CAST: variants seen among roughly 807,000 people sequenced by gnomAD.
The protein encoded by CAST is MIR583 host.
Under a neutral mutation model 119.6 loss-of-function variants are expected in CAST, and 76 were observed. The ratio of observed to expected loss-of-function variants is 0.64; its 90% confidence interval spans 0.53 to 0.77. CAST has a LOEUF of 0.77. Among genes scored for constraint, CAST ranks in the 30% least tolerant of loss-of-function variants. CAST has a pLI of 0.00. For missense variants in CAST, 953 were observed against 946.5 expected (o/e 1.01, Z -0.09); for synonymous variants, 319 against 331.6 (o/e 0.96, Z 0.41).
At chr5:96,176,341 C>A in the CAST span, among the ~76,000 whole-genome samples, 2 of 152,152 alleles carry the variant, frequency 1.3e-5, no homozygotes, top group Non-Finnish European at 2.9e-5. Flanking sequence ...AGATTTTAGG[C>A]TGAGGAAAAG....
At chr5:96,182,576 TTA>T in the CAST span, among the ~76,000 whole-genome samples, 5 of 152,234 alleles carry the variant, frequency 3.3e-5, no homozygotes, top group African/African-American at 1.2e-4. Flanking sequence ...AATGATGGTA[TTA>T]TATGTCAGAC....
At chr5:96,241,206 TC>T in the CAST span, among the ~76,000 whole-genome samples, 1 of 93,276 alleles carries the variant, frequency 1.1e-5, no homozygotes, top group East Asian at 3.6e-4. Flanking sequence ...ATGCTATCCC[TC>T]CCCCCTCCCC....
chr5:96,523,307 C>T (rs1745546422), upstream of CAST, among the ~76,000 whole-genome samples: 1 of 152,230 alleles, frequency 6.6e-6, no homozygotes, highest in Non-Finnish European at 1.5e-5. Context: ...CATGCAGGAC[C>T]CCAAGCTGTG....
the CAST span, among the ~76,000 whole-genome samples, chr5:96,441,937 T>C: frequency 6.6e-6 from 1 of 152,196 alleles, no homozygotes; most frequent in Non-Finnish European, 1.5e-5. Flanking sequence ...AGAGCCATGA[T>C]TGTAGGAGTA....
chr5:96,666,279 C>CA (rs1554074454), intron 1 of CAST, among the ~76,000 whole-genome samples: 20 of 140,080 alleles, frequency 1.4e-4, no homozygotes, highest in African/African-American at 5.2e-4. Flanking sequence ...CACACACACA[C>CA]CACACAACTC....
chr5:96,561,107 A>T (rs942385410), intron 1 of CAST, among the ~76,000 whole-genome samples: 1 of 151,482 alleles, frequency 6.6e-6, no homozygotes, highest in African/African-American at 2.4e-5. Context: ...CAAGGACAAA[A>T]CACCAAACAC....
At chr5:96,126,739 A>G in the CAST span, among the ~76,000 whole-genome samples, 4 of 152,166 alleles carry the variant, frequency 2.6e-5, no homozygotes, top group African/African-American at 9.6e-5. Context: ...AACACTGTGT[A>G]CAAAACACTG....
the CAST span, among the ~76,000 whole-genome samples, chr5:96,302,146 C>T: frequency 2.0e-5 from 3 of 152,276 alleles, no homozygotes; most frequent in Non-Finnish European, 4.4e-5. Context: ...AAGCCCTTGT[C>T]GCTTACAGCT....
At chr5:96,623,790 A>G (rs1407727101) in intron 1 of CAST, among the ~76,000 whole-genome samples, 2 of 152,112 alleles carry the variant, frequency 1.3e-5, no homozygotes, top group African/African-American at 4.8e-5. Context: ...TCAACCTCCC[A>G]GGCTCAAGTG....
chr5:96,056,220 T>C, the CAST span, among the ~76,000 whole-genome samples: 6 of 152,258 alleles, frequency 3.9e-5, no homozygotes, highest in South Asian at 8.3e-4. Context: ...TTCTGGGAGT[T>C]AGGTTTTGCT....
intron 2 of CAST, among the ~76,000 whole-genome samples, chr5:96,689,773 T>C (rs1467808054): frequency 6.6e-6 from 1 of 152,248 alleles, no homozygotes; most frequent in Non-Finnish European, 1.5e-5. Flanking sequence ...ACTTATATTA[T>C]GAAGTCTACC....
the CAST span, among the ~76,000 whole-genome samples, chr5:96,333,163 C>T: frequency 6.6e-6 from 1 of 151,614 alleles, no homozygotes; most frequent in Non-Finnish European, 1.5e-5. Flanking sequence ...GAAGCGGTGA[C>T]CCAGTTAACA....
At chr5:96,418,647 C>T in the CAST span, among the ~76,000 whole-genome samples, 12 of 152,180 alleles carry the variant, frequency 7.9e-5, no homozygotes, top group African/African-American at 2.9e-4. Context: ...TATAATACCT[C>T]TCCAATTGCT....
chr5:96,644,976 AAAAC>A (rs1580856941), intron 1 of CAST, among the ~76,000 whole-genome samples: 1 of 152,230 alleles, frequency 6.6e-6, no homozygotes, highest in Non-Finnish European at 1.5e-5. Context: ...AGTGTCTCAA[AAAAC>A]AAACAAACAA....
the CAST span, among the ~76,000 whole-genome samples, chr5:96,046,538 C>T: frequency 1.3e-5 from 2 of 152,256 alleles, no homozygotes; most frequent in South Asian, 4.1e-4. Flanking sequence ...AAAGACATGC[C>T]CTAAGTGTGT....
At chr5:96,654,353 C>T (rs10075736) in intron 1 of CAST, among the ~76,000 whole-genome samples, 34,843 of 151,960 alleles carry the variant, frequency 0.23, 4,829 homozygotes, top group African/African-American at 0.37. Context: ...CTTTTTCTTA[C>T]CTTTCTTTCA....
the CAST span, chr5:96,432,721 G>A: frequency 1.5e-6 from 1 of 686,214 alleles, no homozygotes; most frequent in Non-Finnish European, 2.6e-6. Flanking sequence ...GCGCGACAGG[G>A]GCGAGGGCTG....
chr5:96,526,835 G>A (rs998336024), upstream of CAST, among the ~76,000 whole-genome samples: 7 of 152,292 alleles, frequency 4.6e-5, no homozygotes, highest in Middle Eastern at 6.8e-3. Context: ...AGAGACACAC[G>A]TTATAGTAGG....
At chr5:96,442,887 C>T in the CAST span, among the ~76,000 whole-genome samples, 38 of 152,186 alleles carry the variant, frequency 2.5e-4, no homozygotes, top group South Asian at 6.2e-4. Flanking sequence ...CTTCTTCCTT[C>T]TTTATTATTG....
Sources: gnomAD v4.1 joint callset for allele counts (sites outside exome capture counted in the v4.1 genomes callset) on GRCh38, gnomAD v4.1.1 for gene constraint, MANE v1.5 for transcripts, NCBI Gene and HGNC (gene_info 2026-07-23, HGNC 2026-07-21) for gene names.